Variants in MVB12A observed in about 807,000 individuals in gnomAD.
MVB12A encodes multivesicular body subunit 12A.
Under a neutral mutation model 34.3 loss-of-function variants are expected in MVB12A, and 30 were observed. That is an observed-to-expected ratio of 0.88 (90% confidence interval 0.65 to 1.19). The LOEUF is 1.19. MVB12A is among the 50% of genes most tolerant of loss of function. MVB12A has a pLI of 0.00. For missense variants in MVB12A, 355 were observed against 369.2 expected, an observed-to-expected ratio of 0.96 and a Z score of 0.31; for synonymous variants, 158 against 158.9, an observed-to-expected ratio of 0.99 and a Z score of 0.04.
In MVB12A at chr19:17,413,682, C is replaced by T. The variant is rs576339751; in HGVS notation, c.-5+7386C>T. Among the ~76,000 whole-genome samples, 5 of 152,192 alleles carry T rather than the reference C, an allele frequency of 3.3e-5. No homozygotes were observed. In the East Asian group the frequency reaches 9.6e-4, roughly 29 times the overall value. ...CCATGTTCGCATGACTGCACACCTG[C>T]CTGGACAACAGATGAGACCATGTCT... On this transcript the variant is annotated intron_variant, in intron 2 of 6. Transcript: ENST00000528604.
chr19:17,406,456 T>G (rs2074729293), intron 2 of MVB12A: 1 of 152,114 alleles, frequency 6.6e-6, no homozygotes, highest in Admixed American at 6.5e-5. Context: ...GGACTGCATG[T>G]TTTTCTTGTG....
chr19:17,422,173 T>C, intron 3 of MVB12A, 159 bp from the exon 4 acceptor site: 1 of 572,422 alleles, frequency 1.7e-6, no homozygotes. Flanking sequence ...CCTTCATCTA[T>C]ACCATTCATG....
chr19:17,420,019 C>G (rs990483224), upstream of MVB12A: 36 of 390,378 alleles, frequency 9.2e-5, 7 homozygotes, highest in Middle Eastern at 7.5e-4. Context: ...ATCTCCGCCC[C>G]CCCCCCCCGC....
At position 17,424,636 on chromosome 19, in the gene MVB12A, G is replaced by C. The variant is rs369630754; in HGVS notation, c.718G>C (p.Gly240Arg). The change falls in exon 8 of 9, where the codon GGG becomes CGG. Residue 240 changes from glycine (G) to arginine (R), a missense_variant. Physicochemically the swap from Gly to Arg is moderately radical, Grantham distance 125. Coordinates refer to ENST00000317040, the MANE Select transcript of MVB12A (RefSeq NM_138401.4). ...TGCCCGCCAGGCCTTCTCTGCTTTT[G>C]GGGACCTGACCATCAAGTCTCTGGC... ...SCSPLAFSAF[G>R]DLTIKSLADI... The C allele has an allele frequency of 1.5e-5, 24 of 1,612,688 alleles. No individual in the cohort carries two copies. Among genetic ancestry groups the C allele is most frequent in the Non-Finnish European group, 1.1e-5 (13 of 1,179,532 alleles).
In MVB12A at chr19:17,423,588, C is replaced by A. The variant is rs764325257; in HGVS notation, c.504C>A (p.Gly168=). 4.5e-5 allele frequency: 73 copies of A among 1,614,134 alleles called. No individual in the cohort carries two copies. The East Asian group carries it at 1.6e-3, about 36-fold the overall frequency. Residue 168 remains glycine, a synonymous_variant, in exon 5 of 9, where the codon GGC becomes GGA. Transcript: ENST00000317040. ...KPRGLSRDMQ[G]LSLDAASQPS... ...GAGGTCTCAGCCGGGACATGCAGGG[C>A]CTCTCTCTGGATGCAGCCAGCCAGC...
intron 4 of MVB12A, among the ~76,000 whole-genome samples, chr19:17,423,139 G>A (rs932554266): frequency 6.7e-6 from 1 of 149,540 alleles, no homozygotes; most frequent in African/African-American, 2.5e-5. Context: ...GATCACCTGA[G>A]GTCAGGAGTT....
At chr19:17,422,481 A>G (rs1331228583) in intron 4 of MVB12A, 23 bp downstream of exon 4, 2 of 1,591,074 alleles carry the variant, frequency 1.3e-6, no homozygotes, top group Non-Finnish European at 1.7e-6. Flanking sequence ...CCCAGTGTCT[A>G]GCCACCTTCC....
At chr19:17,418,177 G>A (rs2074813436), upstream of MVB12A, 1 of 153,608 alleles carries the variant, frequency 6.5e-6, no homozygotes, top group Admixed American at 6.5e-5. Context: ...TTACAGGCGT[G>A]AGTCACTGTG....
chr19:17,425,312 A>AAAC lies in MVB12A; in HGVS notation c.*321_*323dup. The AAAC allele has an allele frequency of 2.7e-6, 1 of 370,198 alleles. No homozygotes were observed. Among genetic ancestry groups the AAAC allele is most frequent in the Non-Finnish European group, 4.9e-6 (1 of 204,110 alleles). The allele number at this position is 370,198 out of a possible 1,614,324, so 22.9% of individuals were successfully genotyped here. On this transcript the variant is annotated 3_prime_UTR_variant, in exon 9 of 9. Transcript: ENST00000317040. ...GCTGTGCGGGTGTCCTCCTGGCAAT[A>AAAC]AACACTACCCGGTTCTCGCCCTCTG...
In MVB12A at chr19:17,407,308, A is replaced by G. The variant is rs139563301; in HGVS notation, c.-5+1012A>G. Among the ~76,000 whole-genome samples the G allele has an allele frequency of 6.1e-3, 934 of 152,298 alleles. 9 individuals are homozygous for G. The highest frequency in any genetic ancestry group is 0.045 in the Middle Eastern group (13 of 292). On this transcript the variant is annotated intron_variant, in intron 2 of 6. Transcript: ENST00000528604. ...TGCGGCGACGAGAGAGTGTAGAAAT[A>G]AAGACACAAGACGAAGAGATAAAAG...
intron 3 of MVB12A, among the ~76,000 whole-genome samples, chr19:17,421,321 A>G (rs941342413): frequency 6.6e-6 from 1 of 151,558 alleles, no homozygotes; most frequent in African/African-American, 2.4e-5. Flanking sequence ...AGTAGCTGGG[A>G]TTACAGGCAT....
intron 3 of MVB12A, 69 bp downstream of exon 3, chr19:17,420,703 C>T (rs771799431): frequency 3.7e-5 from 42 of 1,140,252 alleles, no homozygotes; most frequent in Non-Finnish European, 4.9e-5. Flanking sequence ...GGAGGGACGA[C>T]GGGCGCGCGG....
Position 17,422,345 on chromosome 19 carries a change from CAAG to C in MVB12A, c.306_308del (p.Lys103del), listed in dbSNP as rs767480563. On this transcript the variant is annotated inframe_deletion, in exon 4 of 9. Transcript: ENST00000317040. The stretch of plus-strand genomic sequence containing the variant: ...CCCCACTCCCAGAGGCCTCTGTGTC[CAAG>C]AAGAAACGCATGTGTGTGAAGCTGT... 1.9e-6 allele frequency: 3 copies of C among 1,612,430 alleles called. No individual in the cohort carries two copies. The highest frequency in any genetic ancestry group is 2.5e-6 in the Non-Finnish European group (3 of 1,179,052).
upstream of MVB12A, among the ~76,000 whole-genome samples, chr19:17,416,717 C>CT (rs368707654): frequency 0.3 from 42,054 of 140,354 alleles, 8,415 homozygotes; most frequent in African/African-American, 0.59. Context: ...CTCAACCACC[C>CT]TTTTTTTTTT....
intron 8 of MVB12A, 127 bp downstream of exon 8, chr19:17,424,804 C>A: frequency 7.5e-7 from 1 of 1,339,176 alleles, no homozygotes. Context: ...CCCAGACACA[C>A]ACCATCTCTC....
chr19:17,417,900 C>T (rs1239225112), upstream of MVB12A: 3 of 236,578 alleles, frequency 1.3e-5, no homozygotes, highest in Non-Finnish European at 1.8e-5. Flanking sequence ...TCTTCTTCTT[C>T]CTTTTTTTTT....
Position 17,425,289 on chromosome 19 carries a change from T to C in MVB12A, c.*296T>C. ...TCAAAACCCTCTGGGGTCCGGAGGC[T>C]GTGCGGGTGTCCTCCTGGCAATAAA... is the stretch of plus-strand genomic sequence containing the variant. On this transcript the variant is annotated 3_prime_UTR_variant, in exon 9 of 9. Coordinates refer to ENST00000317040, the MANE Select transcript of MVB12A (RefSeq NM_138401.4). The C allele has an allele frequency of 2.4e-6, 1 of 410,778 alleles. No individual in the cohort carries two copies. The highest frequency in any genetic ancestry group is 4.4e-6 in the Non-Finnish European group (1 of 229,506). 25.4% of individuals were successfully genotyped at this position (410,778 alleles called of 1,614,324 possible).
rs912270060 is a variant in MVB12A at position 17,422,726 on chromosome 19, C to T, written c.413+268C>T. Reference sequence around the variant, plus strand: ...AGCACTTTGGGAGGCTGAGGCGGGCCGATCACAAGGTCAGGAGATCGAGAC... The same window carrying T: ...AGCACTTTGGGAGGCTGAGGCGGGCTGATCACAAGGTCAGGAGATCGAGAC... On this transcript the variant is annotated intron_variant, in intron 4 of 8. Transcript: ENST00000317040. The T allele has an allele frequency of 1.6e-4, 33 of 202,714 alleles. 1 individual carries two copies. The highest frequency in any genetic ancestry group is 6.0e-5 in the Admixed American group (1 of 16,670). The allele number at this position is 202,714 out of a possible 1,614,324, so 12.6% of individuals were successfully genotyped here. A position where few individuals can be genotyped will look rare whatever the true frequency, so the allele number is the denominator to read the frequency against.
chr19:17,419,832 G>A (rs895051914), upstream of MVB12A: 22 of 245,628 alleles, frequency 9.0e-5, no homozygotes, highest in Middle Eastern at 1.2e-3. Flanking sequence ...CGAGTCTCTT[G>A]GTCCTGTGCC....
Sources: gnomAD v4.1 joint callset for allele counts (sites outside exome capture counted in the v4.1 genomes callset) on GRCh38, gnomAD v4.1.1 for gene constraint, MANE v1.5 for transcripts, NCBI Gene and HGNC (gene_info 2026-07-23, HGNC 2026-07-21) for gene names.